The following COMMD10 variants were observed in gnomAD, a reference collection of about 807,000 sequenced individuals.
The protein encoded by COMMD10 is COMM domain-containing protein 10.
In COMMD10, 33 loss-of-function variants were observed where a neutral mutation model predicts 28.9. The ratio of observed to expected loss-of-function variants is 1.14; its 90% CI spans 0.87 to 1.53. COMMD10 has a LOEUF of 1.53. Among genes scored for constraint, COMMD10 ranks in the 40% most tolerant of loss-of-function variants. The pLI, the probability that COMMD10 is intolerant of heterozygous loss-of-function variation, is 0.00. For synonymous variants in COMMD10, 110 were observed against 81.7 expected, an observed-to-expected ratio of 1.35 and a Z score of -1.87; for missense variants, 310 against 233.4, an observed-to-expected ratio of 1.33 and a Z score of -2.14.
intron 5 of COMMD10, among the ~76,000 whole-genome samples, chr5:116,187,850 A>AT (rs1748193611): frequency 6.6e-6 from 1 of 151,922 alleles, no homozygotes; most frequent in Non-Finnish European, 1.5e-5. Flanking sequence ...CTTTCTTTAT[A>AT]CCTTACACTT....
rs1347263370 is a variant in COMMD10, at chr5:116,092,643, T to C, written c.342T>C (p.Ser114=). 3 of 1,611,928 alleles carry C rather than the reference T, an allele frequency of 1.9e-6. No individual in the cohort carries two copies. Among genetic ancestry groups the C allele is most frequent in the Non-Finnish European group, 8.5e-7 (1 of 1,178,908 alleles). ...DKAEAFVNTW[S]SMGQETVEKF... is the part of the protein sequence containing the mutation. ...CTGAAGCATTTGTCAATACGTGGTC[T>C]TCTATGGGTCAAGAAACAGTTGAAA... The change falls in exon 4 of 7, where the codon TCT becomes TCC. Residue 114 remains serine (S), a synonymous_variant. Transcript: ENST00000274458.
intron 4 of COMMD10, among the ~76,000 whole-genome samples, chr5:116,096,299 A>C (rs139228847): frequency 6.9e-6 from 1 of 145,654 alleles, no homozygotes; most frequent in African/African-American, 2.5e-5. Context: ...TCCTGCCCTT[A>C]TTTTGTTAGG....
intron 5 of COMMD10, among the ~76,000 whole-genome samples, chr5:116,249,837 A>G (rs1750058297): frequency 6.6e-6 from 1 of 151,918 alleles, no homozygotes; most frequent in African/African-American, 2.4e-5. Flanking sequence ...GATTAGGTCC[A>G]CATCTGATTT....
At chr5:116,131,495 A>G (rs1751861952) in intron 4 of COMMD10, among the ~76,000 whole-genome samples, 2 of 152,098 alleles carry the variant, frequency 1.3e-5, no homozygotes, top group African/African-American at 2.4e-5. Context: ...TACCAAAGCC[A>G]TAGCCAAGTG....
At chr5:116,121,672 T>C (rs1486188258) in intron 4 of COMMD10, among the ~76,000 whole-genome samples, 2 of 152,238 alleles carry the variant, frequency 1.3e-5, no homozygotes, top group African/African-American at 4.8e-5. Context: ...ATGATCGCCA[T>C]TCTAACTGGC....
chr5:116,165,262 G>C (rs566066132), intron 5 of COMMD10, among the ~76,000 whole-genome samples: 3 of 152,124 alleles, frequency 2.0e-5, no homozygotes, highest in Non-Finnish European at 4.4e-5. Flanking sequence ...CCTTAATCGA[G>C]TTCTCCTGGC....
chr5:116,108,963 C>T (rs936120882), intron 4 of COMMD10, among the ~76,000 whole-genome samples: 16 of 152,096 alleles, frequency 1.1e-4, no homozygotes, highest in Non-Finnish European at 1.3e-4. Flanking sequence ...TCTCCTGACC[C>T]GTTGTGCTTC....
chr5:116,255,454 G>T (rs1458210260), intron 5 of COMMD10, among the ~76,000 whole-genome samples: 1 of 151,602 alleles, frequency 6.6e-6, no homozygotes, highest in Non-Finnish European at 1.5e-5. Context: ...TCCTTTCCGT[G>T]TTTAGTGCTT....
chr5:116,189,530 G>A (rs142758805), intron 5 of COMMD10, among the ~76,000 whole-genome samples: 3 of 152,206 alleles, frequency 2.0e-5, no homozygotes, highest in East Asian at 1.9e-4. Context: ...TGTGCCATCC[G>A]AATTGTTTCC....
Position 116,147,024 on chromosome 5 carries a change from G to A in COMMD10, c.510+12846G>A, listed in dbSNP as rs145592358. Among the ~76,000 whole-genome samples the A allele has an allele frequency of 3.5e-3, 534 of 151,900 alleles. 3 individuals are homozygous for A. Among genetic ancestry groups the A allele is most frequent in the Non-Finnish European group, 4.6e-3 (309 of 67,854 alleles). On this transcript the variant is annotated intron_variant, in intron 5 of 6. Coordinates refer to ENST00000274458, the MANE Select transcript of COMMD10 (RefSeq NM_016144.4). ...TCAGATCCTCGAGTCTTATATCACA[G>A]GACTTATTTGGAAATGTGGCCATCC...
intron 5 of COMMD10, among the ~76,000 whole-genome samples, chr5:116,268,658 T>A (rs1300265016): frequency 6.6e-6 from 1 of 151,878 alleles, no homozygotes; most frequent in African/African-American, 2.4e-5. Context: ...ATATGTTTAT[T>A]GCGGCACTAT....
chr5:116,274,535 G>T (rs540721258), intron 5 of COMMD10, among the ~76,000 whole-genome samples: 2 of 151,854 alleles, frequency 1.3e-5, no homozygotes, highest in East Asian at 3.9e-4. Context: ...ACATTTGCTT[G>T]ATTTTCTTAC....
chr5:116,128,059 A>T (rs1388825572), intron 4 of COMMD10, among the ~76,000 whole-genome samples: 1 of 152,130 alleles, frequency 6.6e-6, no homozygotes, highest in Non-Finnish European at 1.5e-5. Context: ...TGTGGGACAT[A>T]GTCGAAAAAA....
Position 116,274,836 on chromosome 5 carries a change from C to G in COMMD10, c.511-16681C>G, listed in dbSNP as rs992183496. On this transcript the variant is annotated intron_variant, in intron 5 of 6. Coordinates refer to ENST00000274458, the MANE Select transcript of COMMD10 (RefSeq NM_016144.4). Reference sequence around the variant, plus strand: ...TTATTGATCTTCTTGACACATTTGCCTTAAGCAGTACTTTGTGTTACTATA... The same window carrying G: ...TTATTGATCTTCTTGACACATTTGCGTTAAGCAGTACTTTGTGTTACTATA... 3.3e-5 allele frequency among the ~76,000 whole-genome samples: 5 copies of G among 151,724 alleles called. 1 individual carries two copies. The highest frequency in any genetic ancestry group is 1.2e-4 in the African/African-American group (5 of 41,102).
intron 3 of COMMD10, 78 bp from the exon 4 acceptor site, chr5:116,092,467 T>C (rs1173317334): frequency 1.0e-6 from 1 of 992,448 alleles, no homozygotes; most frequent in Non-Finnish European, 1.4e-6. Flanking sequence ...CATTTAAAAA[T>C]AGTTTTGTAT....
chr5:116,196,057 C>T (rs1432908317), intron 5 of COMMD10, among the ~76,000 whole-genome samples: 1 of 152,140 alleles, frequency 6.6e-6, no homozygotes, highest in Non-Finnish European at 1.5e-5. Context: ...GCAGAACTAC[C>T]ATTTGATCCA....
chr5:116,111,959 A>G (rs1245877835), intron 4 of COMMD10, among the ~76,000 whole-genome samples: 1 of 152,106 alleles, frequency 6.6e-6, no homozygotes, highest in African/African-American at 2.4e-5. Context: ...TGTTGGGTGC[A>G]TGTATGTTTA....
chr5:116,279,525 C>T (rs1751011946), intron 5 of COMMD10, among the ~76,000 whole-genome samples: 1 of 151,664 alleles, frequency 6.6e-6, no homozygotes, highest in Non-Finnish European at 1.5e-5. Flanking sequence ...AACTGCTGGA[C>T]TGCATAATAT....
chr5:116,148,423 C>G (rs1007123047), intron 5 of COMMD10, among the ~76,000 whole-genome samples: 1 of 151,794 alleles, frequency 6.6e-6, no homozygotes, highest in Non-Finnish European at 1.5e-5. Context: ...TAAAGAAGTT[C>G]TACCCTATCC....
Sources: gnomAD v4.1 joint callset for allele counts (sites outside exome capture counted in the v4.1 genomes callset) on GRCh38, gnomAD v4.1.1 for gene constraint, MANE v1.5 for transcripts, NCBI Gene and HGNC (gene_info 2026-07-23, HGNC 2026-07-21) for gene names.